The following CCDC117 variants were observed in gnomAD, a reference collection of about 807,000 sequenced individuals.
CCDC117 encodes the protein coiled-coil domain-containing protein 117.
CCDC117 carries 1 observed loss-of-function variant against 23.5 expected under a neutral mutation model. The observed-to-expected ratio is 0.04, with a 90% CI of 0.02 to 0.20. The LOEUF (loss-of-function observed/expected upper bound fraction) is 0.20. Among genes scored for constraint, CCDC117 ranks in the 10% least tolerant of loss-of-function variants. The probability of loss-of-function intolerance (pLI) is 1.00; values close to 1 mark genes in which losing one functional copy is unlikely to be tolerated. For synonymous variants in CCDC117, 132 were observed against 124.8 expected (o/e 1.06, Z -0.39); for missense variants, 383 against 348.2 (o/e 1.10, Z -0.80).
chr22:28,783,384 G>T, intron 3 of CCDC117, 124 bp from the exon 4 acceptor site: 1 of 880,300 alleles, frequency 1.1e-6, no homozygotes, highest in Non-Finnish European at 1.7e-6. Flanking sequence ...TTTTTTGCTT[G>T]TTCTATTGCT....
chr22:28,783,473 AT>A, intron 3 of CCDC117, 34 bp from the exon 4 acceptor site: 1 of 1,587,624 alleles, frequency 6.3e-7, no homozygotes, highest in Non-Finnish European at 8.5e-7. Context: ...TTGACTAAAT[AT>A]TTTTTCTTTC....
In CCDC117 at chr22:28,780,992, C is replaced by CTGG; in HGVS notation, c.286_288dup (p.Gly96dup). On this transcript the variant is annotated inframe_insertion, in exon 3 of 5. Coordinates refer to ENST00000249064, the MANE Select transcript of CCDC117 (RefSeq NM_173510.4). ...AGGATAACTGAAGCAGAGCTCTGTG[C>CTGG]TGGTCCTAATGACTGGATTCTTTGT... 1 of 1,613,966 alleles carries CTGG rather than the reference C, an allele frequency of 6.2e-7. No homozygotes were observed. Among genetic ancestry groups the CTGG allele is most frequent in the East Asian group, 2.2e-5 (1 of 44,872 alleles).
intron 2 of CCDC117, 63 bp from the exon 3 acceptor site, chr22:28,780,885 G>C: frequency 8.2e-7 from 1 of 1,220,690 alleles, no homozygotes; most frequent in East Asian, 2.5e-5. Flanking sequence ...TTGGAGATAG[G>C]AATGATAAAC....
At chr22:28,786,039 G>C (rs2031498113) in intron 4 of CCDC117, 50 bp from the exon 5 acceptor site, 1 of 1,379,840 alleles carries the variant, frequency 7.2e-7, no homozygotes, top group African/African-American at 1.5e-5. Context: ...TACAGCTTTT[G>C]TTTTCATGTC....
In CCDC117 at chr22:28,788,034, TTCTG is replaced by T. The variant is rs1347054587; in HGVS notation, c.*1713_*1716del. The T allele has an allele frequency of 3.9e-5, 6 of 152,668 alleles. No individual in the cohort carries two copies. The South Asian group carries it at 1.0e-3, about 26-fold the overall frequency. 9.5% of individuals were successfully genotyped at this position (152,668 alleles called of 1,614,324 possible). A position where few individuals can be genotyped will look rare whatever the true frequency, so the allele number is the denominator to read the frequency against. ...TTCTTTGCCTGTTCCTGCTTTCTCT[TTCTG>T]TCTGGATAGTCAGGAAAAGATTTAA... On this transcript the variant is annotated 3_prime_UTR_variant, in exon 5 of 5. Coordinates refer to ENST00000249064, the MANE Select transcript of CCDC117 (RefSeq NM_173510.4).
rs561738959 is a variant in CCDC117 at position 28,780,807 on chromosome 22, C to A, written c.240-141C>A. 1,058 of 620,136 alleles carry A rather than the reference C, an allele frequency of 1.7e-3. 30 individuals carry two copies. The South Asian group carries it at 0.02, about 12-fold the overall frequency. The allele number at this position is 620,136 out of a possible 1,614,324, so 38.4% of individuals were successfully genotyped here. On this transcript the variant is annotated intron_variant, in intron 2 of 4. Transcript: ENST00000249064. ...GGCTGTGAGAATAGCAGGAAAAATACGCAGTATTTTCCATCTTGTTACTAC... is the reference window on the plus strand; with the variant it reads ...GGCTGTGAGAATAGCAGGAAAAATAAGCAGTATTTTCCATCTTGTTACTAC...
intron 4 of CCDC117, among the ~76,000 whole-genome samples, chr22:28,785,604 A>G (rs577087388): frequency 5.3e-5 from 8 of 152,316 alleles, no homozygotes; most frequent in Admixed American, 3.9e-4. Context: ...GCCTACATGT[A>G]ATATTAACCA....
chr22:28,773,704 G>A, intron 1 of CCDC117, 21 bp from the exon 2 acceptor site: 1 of 1,605,610 alleles, frequency 6.2e-7, no homozygotes, highest in Non-Finnish European at 8.5e-7. Context: ...TTAATTGACT[G>A]ATTTTTGTTT....
In CCDC117 at chr22:28,781,038, G is replaced by T; in HGVS notation, c.330G>T (p.Gly110=). ...TTTGTGCACATCAGGATGTAGAGGG[G>T]CATGGAGTAAATCCCAGTGTTAGTG... The part of the protein sequence containing the change: ...WILCAHQDVE[G]HGVNPSVSGL... The change falls in exon 3 of 5, where the codon GGG becomes GGT. Residue 110 remains glycine (G), a synonymous_variant. Transcript: ENST00000249064. 1 of 1,613,912 alleles carries T rather than the reference G, an allele frequency of 6.2e-7. No individual in the cohort carries two copies.
At chr22:28,776,824 T>TC (rs1335228787) in intron 2 of CCDC117, among the ~76,000 whole-genome samples, 1 of 152,214 alleles carries the variant, frequency 6.6e-6, no homozygotes, top group Non-Finnish European at 1.5e-5. Context: ...CTTCGGATGA[T>TC]CCTCTCGCCT....
intron 3 of CCDC117, 84 bp from the exon 4 acceptor site, chr22:28,783,424 T>G: frequency 2.2e-6 from 3 of 1,362,474 alleles, no homozygotes; most frequent in Non-Finnish European, 3.0e-6. Flanking sequence ...TCCTTTTTTA[T>G]TTTTAAAATT....
At chr22:28,784,880 C>T (rs538925044) in intron 4 of CCDC117, among the ~76,000 whole-genome samples, 1 of 152,170 alleles carries the variant, frequency 6.6e-6, no homozygotes, top group Admixed American at 6.5e-5. Context: ...ACGCCATTCT[C>T]CTGCTCAGCC....
intron 1 of CCDC117, 49 bp downstream of exon 1, chr22:28,773,083 A>C: frequency 1.1e-6 from 1 of 944,992 alleles, no homozygotes; most frequent in South Asian, 4.8e-5. Flanking sequence ...GCGGGCGGGC[A>C]GGCTGGGCGC....
rs961262938 is a variant in CCDC117, at chr22:28,788,216, T to A, written c.*1890T>A. On this transcript the variant is annotated 3_prime_UTR_variant, in exon 5 of 5. Coordinates refer to ENST00000249064, the MANE Select transcript of CCDC117 (RefSeq NM_173510.4). The stretch of plus-strand genomic sequence containing the variant: ...TGTATTCTTTTGAAATGTGCAAGTG[T>A]TTGATTCATGCCATTTGATAAACTT... 1 of 152,676 alleles carries A rather than the reference T, an allele frequency of 6.5e-6. No individual in the cohort carries two copies. Among genetic ancestry groups the A allele is most frequent in the African/African-American group, 2.4e-5 (1 of 41,462 alleles). 9.5% of individuals were successfully genotyped at this position (152,676 alleles called of 1,614,324 possible).
intron 1 of CCDC117, chr22:28,773,386 A>G: frequency 4.1e-6 from 1 of 241,420 alleles, no homozygotes; most frequent in South Asian, 1.2e-4. Flanking sequence ...TCATCTGCAA[A>G]GTATGCCAAG....
intron 3 of CCDC117, among the ~76,000 whole-genome samples, chr22:28,782,669 C>T (rs2031385802): frequency 6.6e-6 from 1 of 151,992 alleles, no homozygotes. Flanking sequence ...GAACTCCGGA[C>T]CTTGTGGTCC....
Position 28,786,286 on chromosome 22 carries a change from T to C in CCDC117, c.800T>C (p.Leu267Ser). ...RPTGMSLYNS[L>S]ETATSTEEEM... ...ACAGGGATGTCTCTTTATAATAGTTTGGAGACAGCTACTAGCACAGAAGAA... is the reference window on the plus strand; with the variant it reads ...ACAGGGATGTCTCTTTATAATAGTTCGGAGACAGCTACTAGCACAGAAGAA... Residue 267 changes from leucine (L) to serine (S), a missense_variant, in exon 5 of 5, where the codon TTG becomes TCG. Physicochemically the swap from Leu to Ser is moderately radical, Grantham distance 145 (BLOSUM62 -2). Transcript: ENST00000249064. 1.2e-6 allele frequency: 2 copies of C among 1,614,124 alleles called. No homozygotes were observed. Among genetic ancestry groups the C allele is most frequent in the East Asian group, 2.2e-5 (1 of 44,888 alleles).
chr22:28,772,771 A>G lies in CCDC117; in HGVS notation c.-79A>G. 8.8e-7 allele frequency: 1 copy of G among 1,134,486 alleles called. No homozygotes were observed. 70.3% of individuals were successfully genotyped at this position (1,134,486 alleles called of 1,614,324 possible). ...GGATCCGAGGCTGGCGGGTTTTGGCAGTAGCTGTGGCTGCGGCTGCCGGGC... is the reference window on the plus strand; with the variant it reads ...GGATCCGAGGCTGGCGGGTTTTGGCGGTAGCTGTGGCTGCGGCTGCCGGGC... On this transcript the variant is annotated 5_prime_UTR_variant, in exon 1 of 5. Coordinates refer to ENST00000249064, the MANE Select transcript of CCDC117 (RefSeq NM_173510.4).
chr22:28,778,873 A>G (rs536211502), intron 2 of CCDC117, among the ~76,000 whole-genome samples: 30 of 152,314 alleles, frequency 2.0e-4, no homozygotes, highest in Middle Eastern at 3.4e-3. Context: ...ACCTACAGGC[A>G]TGAAATAACT....
Sources: gnomAD v4.1 joint callset for allele counts (sites outside exome capture counted in the v4.1 genomes callset) on GRCh38, gnomAD v4.1.1 for gene constraint, MANE v1.5 for transcripts, NCBI Gene and HGNC (gene_info 2026-07-23, HGNC 2026-07-21) for gene names.